Variants in COL11A1 observed in about 807,000 individuals in gnomAD.
COL11A1 encodes the protein collagen alpha-1(XI) chain.
A neutral mutation model predicts 265.2 loss-of-function variants in COL11A1; 74 were observed. The ratio of observed to expected loss-of-function variants is 0.28; its 90% confidence interval spans 0.23 to 0.34. COL11A1 has a LOEUF of 0.34. Among genes scored for constraint, COL11A1 ranks in the 10% least tolerant of loss-of-function variants. COL11A1 has a pLI of 1.00. For missense variants in COL11A1, 2,165 were observed against 2,263.6 expected (o/e 0.96, Z 0.88); for synonymous variants, 816 against 727.6 (o/e 1.12, Z -1.96).
Position 102,877,923 on chromosome 1 carries a change from T to C in COL11A1, c.*96A>G. On this transcript the variant is annotated 3_prime_UTR_variant, in exon 67 of 67. Coordinates refer to ENST00000370096, the MANE Select transcript of COL11A1 (RefSeq NM_001854.4). Reference sequence around the variant, plus strand: ...TACCTGTATATGCAGCGTTGTTTTCTATACCATCCTTATTCAAAACTTGCA... The same window carrying C: ...TACCTGTATATGCAGCGTTGTTTTCCATACCATCCTTATTCAAAACTTGCA... 2 of 1,312,494 alleles carry C rather than the reference T, an allele frequency of 1.5e-6. No homozygotes were observed. The highest frequency in any genetic ancestry group is 1.1e-6 in the Non-Finnish European group (1 of 908,248). 81.3% of individuals were successfully genotyped at this position (1,312,494 alleles called of 1,614,324 possible).
chr1:102,947,525 T>C (rs1659427129), intron 41 of COL11A1, among the ~76,000 whole-genome samples: 1 of 152,160 alleles, frequency 6.6e-6, no homozygotes, highest in African/African-American at 2.4e-5. Context: ...AAGGATAAGC[T>C]ATTAAATTCA....
chr1:102,882,904 A>T lies in COL11A1; in HGVS notation c.4971+295T>A, dbSNP rs3753844. Among the ~76,000 whole-genome samples the T allele has an allele frequency of 0.13, 19,340 of 152,196 alleles. 1,421 individuals carry two copies. The highest frequency in any genetic ancestry group is 0.25 in the East Asian group (1,269 of 5,162). On this transcript the variant is annotated intron_variant, in intron 64 of 66. Coordinates refer to ENST00000370096, the MANE Select transcript of COL11A1 (RefSeq NM_001854.4). ...TGGTAATTGGGCAGAAGAACACTTTAGTGGCACTAAAATTTGAGATTCAGC... is the reference window on the plus strand; with the variant it reads ...TGGTAATTGGGCAGAAGAACACTTTTGTGGCACTAAAATTTGAGATTCAGC...
chr1:103,108,046 C>G, intron 1 of COL11A1, 27 bp downstream of exon 1: 2 of 1,575,090 alleles, frequency 1.3e-6, no homozygotes, highest in Non-Finnish European at 1.7e-6. Flanking sequence ...GGCAATCTCC[C>G]ACCTCCCCAA....
At chr1:103,085,376 A>T (rs1055274911) in intron 1 of COL11A1, among the ~76,000 whole-genome samples, 1 of 152,180 alleles carries the variant, frequency 6.6e-6, no homozygotes, top group Non-Finnish European at 1.5e-5. Context: ...TAGGGCACAT[A>T]TACCCACTCA....
At chr1:103,058,665 G>T (rs1670420412) in intron 4 of COL11A1, among the ~76,000 whole-genome samples, 1 of 152,116 alleles carries the variant, frequency 6.6e-6, no homozygotes, top group Non-Finnish European at 1.5e-5. Flanking sequence ...ATATTGCTGT[G>T]TCTCAGGCAA....
chr1:103,012,504 C>T (rs776754091), intron 13 of COL11A1, 35 bp from the exon 14 acceptor site: 2 of 1,527,910 alleles, frequency 1.3e-6, no homozygotes, highest in Admixed American at 1.7e-5. Flanking sequence ...CAGTAATATT[C>T]TCCTGGAAGA....
chr1:103,010,489 CA>C (rs960879316), intron 14 of COL11A1, among the ~76,000 whole-genome samples: 1 of 152,022 alleles, frequency 6.6e-6, no homozygotes, highest in Non-Finnish European at 1.5e-5. Flanking sequence ...TTATGGGTGT[CA>C]ATATTTTCTC....
chr1:102,899,633 A>G (rs1338287471), intron 54 of COL11A1, among the ~76,000 whole-genome samples: 1 of 152,216 alleles, frequency 6.6e-6, no homozygotes, highest in Non-Finnish European at 1.5e-5. Context: ...GCATAAGTAC[A>G]GAATGACTGA....
chr1:102,965,565 A>C (rs1661328368), intron 37 of COL11A1, 25 bp from the exon 38 acceptor site: 1 of 1,602,010 alleles, frequency 6.2e-7, no homozygotes. Flanking sequence ...TATTATTTGT[A>C]AAAGCTACAT....
intron 46 of COL11A1, among the ~76,000 whole-genome samples, chr1:102,929,211 T>G (rs1354446427): frequency 1.4e-5 from 2 of 142,996 alleles, no homozygotes; most frequent in Non-Finnish European, 3.1e-5. Context: ...CTCCTAGGGT[T>G]TTTATGGTTT....
chr1:102,912,635 A>C (rs1763361), intron 53 of COL11A1, among the ~76,000 whole-genome samples: 1 of 152,152 alleles, frequency 6.6e-6, no homozygotes. Context: ...AGTTGTATAT[A>C]ACATACTGAT....
intron 57 of COL11A1, among the ~76,000 whole-genome samples, chr1:102,892,337 A>T (rs1651879165): frequency 6.6e-6 from 1 of 152,150 alleles, no homozygotes. Flanking sequence ...ATTTTCCTCT[A>T]TCTGGAAACA....
intron 26 of COL11A1, among the ~76,000 whole-genome samples, chr1:102,996,310 A>C (rs1174449311): frequency 1.3e-5 from 2 of 152,118 alleles, no homozygotes; most frequent in African/African-American, 4.8e-5. Context: ...CAAATCTTAC[A>C]AGCATGTAAA....
chr1:102,974,752 T>C (rs1382982526), intron 36 of COL11A1, 78 bp downstream of exon 36: 1 of 1,048,288 alleles, frequency 9.5e-7, no homozygotes, highest in Non-Finnish European at 1.5e-6. Flanking sequence ...ATCTAACAAA[T>C]ATATAAATGT....
rs750014974 is a variant in COL11A1, at chr1:102,913,687, G to T, written c.3982C>A (p.Gln1328Lys). The T allele has an allele frequency of 1.1e-5, 17 of 1,613,028 alleles. No homozygotes were observed. Among genetic ancestry groups the T allele is most frequent in the Non-Finnish European group, 1.4e-5 (17 of 1,179,384 alleles). The change falls in exon 53 of 67, where the codon CAA becomes AAA. Residue 1328 changes from glutamine to lysine, a missense_variant. Gln to Lys is a moderately conservative substitution (Grantham distance 53, BLOSUM62 1). Coordinates refer to ENST00000370096, the MANE Select transcript of COL11A1 (RefSeq NM_001854.4). ...GPPGEPGPAG[Q>K]DGVGGDKGED... is the part of the protein sequence containing the mutation. ...CCCTTGTCACCACCAACACCATCTT[G>T]ACCCTATAAGAGGCAATAAAATATG...
At chr1:102,908,947 T>A (rs1028699726) in intron 54 of COL11A1, among the ~76,000 whole-genome samples, 1 of 152,214 alleles carries the variant, frequency 6.6e-6, no homozygotes, top group African/African-American at 2.4e-5. Context: ...TTGACATTTA[T>A]ATCTAAAGAA....
Position 103,022,741 on chromosome 1 carries a change from C to A in COL11A1, c.1245+1G>T, listed in dbSNP as rs766849561. The A allele has an allele frequency of 1.2e-6, 2 of 1,613,494 alleles. No homozygotes were observed. Among genetic ancestry groups the A allele is most frequent in the East Asian group, 4.5e-5 (2 of 44,846 alleles). The stretch of plus-strand genomic sequence containing the variant: ...TGACACAGTGCATAGTATCAACTTA[C>A]GCTTGTTTCTGTAATATCAGTTTCT... On this transcript the variant is annotated splice_donor_variant, in intron 8 of 66. Transcript: ENST00000370096. LOFTEE classifies it high-confidence loss of function.
chr1:102,992,985 T>C (rs1460177905), intron 28 of COL11A1, among the ~76,000 whole-genome samples: 1 of 152,086 alleles, frequency 6.6e-6, no homozygotes, highest in Non-Finnish European at 1.5e-5. Context: ...TTTTTTCCTG[T>C]ATGGCTTTGT....
At chr1:102,883,355 T>A (rs752820346) in intron 63 of COL11A1, 44 bp from the exon 64 acceptor site, 1 of 1,254,476 alleles carries the variant, frequency 8.0e-7, no homozygotes, top group Non-Finnish European at 1.2e-6. Context: ...TTCATTGACA[T>A]CATTGTTGAA....
Sources: allele counts gnomAD v4.1 joint callset (sites outside exome capture counted in the v4.1 genomes callset), GRCh38; gene constraint gnomAD v4.1.1; transcripts MANE v1.5; gene names NCBI Gene and HGNC (gene_info 2026-07-23, HGNC 2026-07-21).